The following TRIM33 variants were observed in gnomAD, a reference collection of about 807,000 sequenced individuals.
The protein encoded by TRIM33 is E3 ubiquitin-protein ligase TRIM33.
TRIM33 carries 20 observed loss-of-function variants against 125.4 expected under a neutral mutation model. The observed-to-expected ratio is 0.16, with a 90% CI of 0.11 to 0.23. TRIM33 has a LOEUF of 0.23. Among genes scored for constraint, TRIM33 ranks in the 10% least tolerant of loss-of-function variants. The pLI is 1.00. For synonymous variants in TRIM33, 564 were observed against 513.9 expected (o/e 1.10, Z -1.32); for missense variants, 920 against 1,411.4 (o/e 0.65, Z 5.58).
intron 8 of TRIM33, 101 bp downstream of exon 8, chr1:114,427,073 CATT>C (rs990882627): frequency 4.1e-5 from 23 of 555,376 alleles, no homozygotes; most frequent in Non-Finnish European, 7.2e-5. Flanking sequence ...AAATGTAAAA[CATT>C]AGTTTTATAA....
In TRIM33 at chr1:114,394,074, C is replaced by T; in HGVS notation, c.*3574G>A. 4.4e-6 allele frequency: 1 copy of T among 227,440 alleles called. No homozygotes were observed. Among genetic ancestry groups the T allele is most frequent in the Non-Finnish European group, 8.8e-6 (1 of 114,220 alleles). The allele number at this position is 227,440 out of a possible 1,614,324, so 14.1% of individuals were successfully genotyped here. A position where few individuals can be genotyped will look rare whatever the true frequency, so the allele number is the denominator to read the frequency against. Reference sequence around the variant, plus strand: ...ATTACACCTTGAAAATCTTGAGTCACCTTCAGCAGATCATTAACATAGATG... The same window carrying T: ...ATTACACCTTGAAAATCTTGAGTCATCTTCAGCAGATCATTAACATAGATG... On this transcript the variant is annotated 3_prime_UTR_variant, in exon 20 of 20. Coordinates refer to ENST00000358465, the MANE Select transcript of TRIM33 (RefSeq NM_015906.4).
At chr1:114,484,099 G>A (rs1442532583) in intron 1 of TRIM33, among the ~76,000 whole-genome samples, 1 of 152,132 alleles carries the variant, frequency 6.6e-6, no homozygotes, top group African/African-American at 2.4e-5. Context: ...ACATAACTGA[G>A]TTTGCAAAAA....
Position 114,402,856 on chromosome 1 carries a change from T to C in TRIM33, c.2796A>G (p.Arg932=), listed in dbSNP as rs1228583938. ...ATTCAACTTCTGGCTTTCCAATATC[T>C]CTACAAAATGTGCATATCCAGTCCC... ...PSGDWICTFC[R]DIGKPEVEYD... The change falls in exon 16 of 20, where the codon AGA becomes AGG. Residue 932 remains arginine (R), a synonymous_variant. Transcript: ENST00000358465. 6.2e-7 allele frequency: 1 copy of C among 1,613,914 alleles called. No individual in the cohort carries two copies. Among genetic ancestry groups the C allele is most frequent in the African/African-American group, 1.3e-5 (1 of 74,932 alleles).
At position 114,461,799 on chromosome 1, in the gene TRIM33, CTAA is replaced by C. The variant is rs1650017950; in HGVS notation, c.923+1302_923+1304del. Among the ~76,000 whole-genome samples, 6 of 152,238 alleles carry C rather than the reference CTAA, an allele frequency of 3.9e-5. No homozygotes were observed. The South Asian group carries it at 1.0e-3, about 26-fold the overall frequency. On this transcript the variant is annotated intron_variant, in intron 4 of 19. Coordinates refer to ENST00000358465, the MANE Select transcript of TRIM33 (RefSeq NM_015906.4). ...TGACTGCAGCTGTGAAAAAGGTAAT[CTAA>C]TGTCTTACTGAGACTGTTAGCAGAC...
At chr1:114,399,436 A>G (rs564934390) in intron 18 of TRIM33, 21 bp downstream of exon 18, 2 of 1,606,948 alleles carry the variant, frequency 1.2e-6, no homozygotes, top group African/African-American at 1.3e-5. Flanking sequence ...TCAAGACTCT[A>G]TAGGTTGGAA....
At position 114,463,554 on chromosome 1, in the gene TRIM33, T is replaced by C. The variant is rs758704350; in HGVS notation, c.648A>G (p.Val216=). 2.5e-6 allele frequency: 4 copies of C among 1,583,630 alleles called. No individual in the cohort carries two copies. In the South Asian group the frequency reaches 3.4e-5, roughly 14 times the overall value. Residue 216 remains valine (V), a splice_region_variant and synonymous_variant, in exon 3 of 20, where the codon GTA becomes GTG. Transcript: ENST00000358465. ...PSSSDEKSEQ[V]CTSCEDNASA... is the part of the protein sequence containing the mutation. ...TTGCATTGTCTTCACAACTAGTACATACCTAAAAGAAGAAATAAGCACTAA... is the reference window on the plus strand; with the variant it reads ...TTGCATTGTCTTCACAACTAGTACACACCTAAAAGAAGAAATAAGCACTAA...
chr1:114,430,487 C>G (rs1215359771), intron 6 of TRIM33, among the ~76,000 whole-genome samples: 2 of 152,148 alleles, frequency 1.3e-5, no homozygotes, highest in East Asian at 3.9e-4. Context: ...AGCGATCTGT[C>G]TGCCTTGGGC....
intron 1 of TRIM33, among the ~76,000 whole-genome samples, chr1:114,467,114 T>C (rs1437631218): frequency 6.6e-6 from 1 of 152,192 alleles, no homozygotes; most frequent in Non-Finnish European, 1.5e-5. Context: ...TTAAGAACTA[T>C]GCTAAACTAT....
Position 114,433,769 on chromosome 1 carries a change from C to G in TRIM33, c.924-36G>C, listed in dbSNP as rs548766955. 48 of 1,269,814 alleles carry G rather than the reference C, an allele frequency of 3.8e-5. No homozygotes were observed. In the South Asian group the frequency reaches 5.9e-4, roughly 16 times the overall value. 78.7% of individuals were successfully genotyped at this position (1,269,814 alleles called of 1,614,324 possible). On this transcript the variant is annotated intron_variant, in intron 4 of 19. Coordinates refer to ENST00000358465, the MANE Select transcript of TRIM33 (RefSeq NM_015906.4). ...AAACAAAACTACATTTAAAACAAAACATTTATGATTAAGATTTTGGAAATA... is the reference window on the plus strand; with the variant it reads ...AAACAAAACTACATTTAAAACAAAAGATTTATGATTAAGATTTTGGAAATA...
At chr1:114,429,190 CTT>C (rs34957665) in intron 6 of TRIM33, among the ~76,000 whole-genome samples, 21 of 140,238 alleles carry the variant, frequency 1.5e-4, no homozygotes, top group Admixed American at 2.1e-4. Flanking sequence ...CACAAGAGTA[CTT>C]TTTTTTTTTT....
At chr1:114,490,401 TTA>T (rs1651992731) in intron 1 of TRIM33, among the ~76,000 whole-genome samples, 2 of 152,112 alleles carry the variant, frequency 1.3e-5, no homozygotes, top group Admixed American at 1.3e-4. Flanking sequence ...GTTGGCAACA[TTA>T]TAGAGAAACT....
chr1:114,425,774 C>T (rs1572039422), intron 8 of TRIM33, 51 bp from the exon 9 acceptor site: 13 of 1,332,290 alleles, frequency 9.8e-6, no homozygotes, highest in Non-Finnish European at 1.4e-5. Context: ...AAATCATCTA[C>T]TTTGTTGAGT....
intron 4 of TRIM33, among the ~76,000 whole-genome samples, chr1:114,436,531 T>C (rs1648317254): frequency 6.6e-6 from 1 of 151,636 alleles, no homozygotes; most frequent in African/African-American, 2.4e-5. Context: ...AGTGGCGCAA[T>C]CTCAGCTCAC....
intron 4 of TRIM33, among the ~76,000 whole-genome samples, chr1:114,451,450 A>C (rs1421025097): frequency 6.6e-6 from 1 of 151,898 alleles, no homozygotes; most frequent in Non-Finnish European, 1.5e-5. Flanking sequence ...AAGTCTACAG[A>C]TTTTTTAATT....
chr1:114,466,553 G>A (rs1006649564), intron 1 of TRIM33, among the ~76,000 whole-genome samples: 8 of 152,118 alleles, frequency 5.3e-5, no homozygotes, highest in Admixed American at 4.6e-4. Flanking sequence ...GGGTGCACTG[G>A]TGTCCAAGTA....
At chr1:114,418,471 A>G (rs1653071612) in intron 11 of TRIM33, among the ~76,000 whole-genome samples, 1 of 152,174 alleles carries the variant, frequency 6.6e-6, no homozygotes, top group South Asian at 2.1e-4. Flanking sequence ...GGCTTGAGAC[A>G]AGCTGACTTT....
intron 11 of TRIM33, among the ~76,000 whole-genome samples, chr1:114,414,925 T>C (rs943554596): frequency 6.6e-6 from 1 of 151,692 alleles, no homozygotes; most frequent in Non-Finnish European, 1.5e-5. Context: ...AACTAACATT[T>C]ATTAAATACT....
chr1:114,401,043 CTT>C (rs1294014055), intron 17 of TRIM33, among the ~76,000 whole-genome samples: 1 of 117,648 alleles, frequency 8.5e-6, no homozygotes, highest in Non-Finnish European at 1.8e-5. Flanking sequence ...TTTTTTTTTT[CTT>C]TTTTTTTTTG....
intron 10 of TRIM33, among the ~76,000 whole-genome samples, chr1:114,423,855 G>A (rs1015345255): frequency 3.3e-5 from 5 of 152,126 alleles, no homozygotes; most frequent in Middle Eastern, 6.3e-3. Flanking sequence ...TCCCCACCTA[G>A]AAATTCTGAT....
Sources: allele counts gnomAD v4.1 joint callset (sites outside exome capture counted in the v4.1 genomes callset), GRCh38; gene constraint gnomAD v4.1.1; transcripts MANE v1.5; gene names NCBI Gene and HGNC (gene_info 2026-07-23, HGNC 2026-07-21).